Variants in MIA3 observed in about 807,000 individuals in gnomAD.
MIA3 encodes the protein transport and Golgi organization protein 1 homolog.
In MIA3, 90 loss-of-function variants were observed where a neutral mutation model predicts 192.4. The ratio of observed to expected loss-of-function variants is 0.47; its 90% CI spans 0.39 to 0.56. The LOEUF is 0.56. Ranked by LOEUF, MIA3 falls within the 20% of genes least tolerant of loss-of-function variation. MIA3 has a pLI of 0.00. For missense variants in MIA3, 2,123 were observed against 2,269.4 expected, an observed-to-expected ratio of 0.94 and a Z score of 1.31; for synonymous variants, 740 against 792.8, an observed-to-expected ratio of 0.93 and a Z score of 1.12.
At chr1:222,663,408 C>G (rs1364247779) in intron 26 of MIA3, among the ~76,000 whole-genome samples, 1 of 152,102 alleles carries the variant, frequency 6.6e-6, no homozygotes, top group African/African-American at 2.4e-5. Flanking sequence ...GGAGTCAAAC[C>G]TGGCATGGAA....
intron 8 of MIA3, 134 bp downstream of exon 8, chr1:222,648,984 T>G: frequency 3.3e-6 from 2 of 600,242 alleles, no homozygotes; most frequent in Admixed American, 6.2e-5. Flanking sequence ...TTACTGTTCC[T>G]AGGTTGCCAG....
chr1:222,638,508 T>G (rs562662558), intron 6 of MIA3, among the ~76,000 whole-genome samples: 49 of 151,540 alleles, frequency 3.2e-4, no homozygotes, highest in Non-Finnish European at 5.0e-4. Flanking sequence ...CTAAACATGG[T>G]GAAATCCTGT....
In MIA3 at chr1:222,629,532, C is replaced by T; in HGVS notation, c.2312C>T (p.Pro771Leu). The change falls in exon 4 of 28, where the codon CCA (proline) becomes CTA (leucine). Residue 771 changes from proline to leucine, a missense_variant. Pro to Leu is a moderately conservative substitution (Grantham distance 98). Transcript: ENST00000344922. ...AGAGCAGTTTTAGGGACCATTCATC[C>T]AGATCCAGAAATTGAAGAAAGCAAG... ...PDRAVLGTIH[P>L]DPEIEESKQE... is the part of the protein sequence containing the mutation. The T allele has an allele frequency of 6.2e-7, 1 of 1,613,938 alleles. No individual in the cohort carries two copies. The highest frequency in any genetic ancestry group is 8.5e-7 in the Non-Finnish European group (1 of 1,180,012).
At chr1:222,657,172 ATTAC>A (rs968776500) in intron 18 of MIA3, among the ~76,000 whole-genome samples, 9 of 152,232 alleles carry the variant, frequency 5.9e-5, no homozygotes, top group African/African-American at 2.2e-4. Context: ...GCAGGTGGTC[ATTAC>A]TTTATTCCAG....
intron 18 of MIA3, among the ~76,000 whole-genome samples, chr1:222,657,533 G>A (rs559809944): frequency 5.3e-5 from 8 of 152,248 alleles, no homozygotes; most frequent in African/African-American, 1.9e-4. Flanking sequence ...ATGCCTTCGA[G>A]CACATTCTTT....
chr1:222,647,832 T>C (rs1275190438), intron 7 of MIA3: 2 of 330,938 alleles, frequency 6.0e-6, no homozygotes, highest in East Asian at 1.7e-4. Context: ...AGTAATTTCT[T>C]TCCATGTTGG....
At chr1:222,620,355 G>A (rs1361205034) in intron 1 of MIA3, among the ~76,000 whole-genome samples, 1 of 152,182 alleles carries the variant, frequency 6.6e-6, no homozygotes, top group Non-Finnish European at 1.5e-5. Flanking sequence ...TTGAATTACT[G>A]ACCTATTCTC....
At chr1:222,665,065 G>A in intron 27 of MIA3, 1 of 502,322 alleles carries the variant, frequency 2.0e-6, no homozygotes, top group Non-Finnish European at 3.6e-6. Context: ...TGGGAGTGGT[G>A]GCGTGCACCT....
chr1:222,623,008 C>G (rs925562379), intron 2 of MIA3, among the ~76,000 whole-genome samples: 1 of 152,238 alleles, frequency 6.6e-6, no homozygotes, highest in Admixed American at 6.5e-5. Flanking sequence ...AATTTGTGTA[C>G]TGTCTTAGCT....
Position 222,628,520 on chromosome 1 carries a change from T to C in MIA3, c.1300T>C (p.Tyr434His). The change falls in exon 4 of 28, where the codon TAT (tyrosine) becomes CAT (histidine). Residue 434 changes from tyrosine to histidine, a missense_variant. Physicochemically the swap from Tyr to His is moderately conservative, Grantham distance 83 (BLOSUM62 2). Transcript: ENST00000344922. The part of the protein sequence containing the change: ...KQGKPQSATD[Y>H]SDPDNVDDGL... ...GGGGAAACCACAGTCAGCAACAGAT[T>C]ATAGTGACCCTGACAATGTAGATGA... 6.2e-7 allele frequency: 1 copy of C among 1,614,066 alleles called. No homozygotes were observed. Among genetic ancestry groups the C allele is most frequent in the Non-Finnish European group, 8.5e-7 (1 of 1,179,994 alleles).
chr1:222,627,287 C>T (rs1343823514), intron 3 of MIA3, among the ~76,000 whole-genome samples: 1 of 152,140 alleles, frequency 6.6e-6, no homozygotes, highest in Non-Finnish European at 1.5e-5. Context: ...TCCAGCAGGT[C>T]CCAAACAGAA....
chr1:222,648,308 T>A (rs1663251386), intron 7 of MIA3, among the ~76,000 whole-genome samples: 2 of 152,194 alleles, frequency 1.3e-5, no homozygotes, highest in Non-Finnish European at 1.5e-5. Flanking sequence ...ATTCAGCCAG[T>A]AGTCAACTTT....
chr1:222,650,196 C>T (rs756351080), intron 8 of MIA3, 96 bp from the exon 9 acceptor site: 56 of 755,842 alleles, frequency 7.4e-5, no homozygotes, highest in Admixed American at 5.2e-4. Context: ...TATTTTTTGT[C>T]ATAGTGCAAG....
At chr1:222,644,696 C>A in intron 6 of MIA3, 1 of 1,209,692 alleles carries the variant, frequency 8.3e-7, no homozygotes, top group Non-Finnish European at 1.2e-6. Context: ...TGGAGTGTGT[C>A]AGATCCGAGG....
At chr1:222,652,125 C>A in intron 12 of MIA3, 77 bp downstream of exon 12, 1 of 1,333,146 alleles carries the variant, frequency 7.5e-7, no homozygotes, top group Non-Finnish European at 1.1e-6. Flanking sequence ...TTGATATATG[C>A]TAAAATGTGC....
rs1180409678 is a variant in MIA3 at position 222,660,656 on chromosome 1, T to A, written c.5113+342T>A. 4 of 178,874 alleles carry A rather than the reference T, an allele frequency of 2.2e-5. No homozygotes were observed. The Admixed American group carries it at 2.4e-4, about 11-fold the overall frequency. The allele number at this position is 178,874 out of a possible 1,614,324, so 11.1% of individuals were successfully genotyped here. ...CTGTGCAGGTCCACTTCTATGCAGA[T>A]TTTTTTCAAAAAATATTTTGGGAAA... On this transcript the variant is annotated intron_variant, in intron 24 of 27. Transcript: ENST00000344922.
At chr1:222,647,865 A>T (rs1468924179) in intron 7 of MIA3, 2 of 363,188 alleles carry the variant, frequency 5.5e-6, no homozygotes, top group African/African-American at 4.2e-5. Flanking sequence ...GCATATTCCT[A>T]TAACAATGGT....
intron 4 of MIA3, among the ~76,000 whole-genome samples, chr1:222,631,618 A>C (rs1452299751): frequency 6.6e-6 from 1 of 152,226 alleles, no homozygotes; most frequent in Non-Finnish European, 1.5e-5. Flanking sequence ...TGAGGCTACA[A>C]GGAAATTCAC....
At chr1:222,654,222 A>G in intron 15 of MIA3, 21 bp from the exon 16 acceptor site, 2 of 1,609,466 alleles carry the variant, frequency 1.2e-6, no homozygotes, top group Non-Finnish European at 1.7e-6. Context: ...AAGCAATGAA[A>G]GAAAGCCTTT....
Sources: gnomAD v4.1 joint callset for allele counts (sites outside exome capture counted in the v4.1 genomes callset) on GRCh38, gnomAD v4.1.1 for gene constraint, MANE v1.5 for transcripts, NCBI Gene and HGNC (gene_info 2026-07-23, HGNC 2026-07-21) for gene names.